The following ZDHHC15 variants were observed in gnomAD, a reference collection of about 807,000 sequenced individuals.
ZDHHC15 encodes palmitoyltransferase ZDHHC15.
Under a neutral mutation model 31.7 loss-of-function variants are expected in ZDHHC15, and 19 were observed. The ratio of observed to expected loss-of-function variants is 0.60; its 90% confidence interval spans 0.42 to 0.88. The LOEUF is 0.88. Ranked by LOEUF, ZDHHC15 falls within the 40% of genes least tolerant of loss-of-function variation. The pLI, the probability that ZDHHC15 is intolerant of heterozygous loss-of-function variation, is 0.00. For synonymous variants in ZDHHC15, 103 were observed against 90.0 expected (o/e 1.14, Z -0.82); for missense variants, 209 against 251.2 (o/e 0.83, Z 1.14).
chrX:75,411,387 T>C (rs1222246503), intron 10 of ZDHHC15, among the ~76,000 whole-genome samples: 1 of 111,539 alleles, frequency 9.0e-6, no homozygotes, highest in Non-Finnish European at 1.9e-5. Flanking sequence ...TAATTTTTTG[T>C]ATTTTTAGTA....
chrX:75,498,377 G>A (rs1039839664), intron 2 of ZDHHC15, among the ~76,000 whole-genome samples: 9 of 111,274 alleles, frequency 8.1e-5, no homozygotes, highest in African/African-American at 2.9e-4. Flanking sequence ...TGATATGATC[G>A]TACACCTAGA....
chrX:75,395,935 T>A (rs759218069), intron 10 of ZDHHC15, among the ~76,000 whole-genome samples: 2 of 112,286 alleles, frequency 1.8e-5, no homozygotes, highest in Non-Finnish European at 3.8e-5. Context: ...GAAAACTGGA[T>A]ATCCATATGC....
intron 2 of ZDHHC15, among the ~76,000 whole-genome samples, chrX:75,491,375 A>C (rs1310525958): frequency 9.4e-6 from 1 of 106,016 alleles, no homozygotes; most frequent in African/African-American, 3.4e-5. Context: ...CTATCGCAAG[A>C]ACAAAAAACC....
At chrX:75,416,202 G>C (rs2083546263) in intron 10 of ZDHHC15, among the ~76,000 whole-genome samples, 1 of 111,099 alleles carries the variant, frequency 9.0e-6, no homozygotes. Flanking sequence ...TAGATTTCCT[G>C]GTAATCAGGG....
intron 10 of ZDHHC15, among the ~76,000 whole-genome samples, chrX:75,383,734 GGTTT>G (rs1489391703): frequency 2.6e-5 from 2 of 77,793 alleles, no homozygotes; most frequent in Non-Finnish European, 4.8e-5. Context: ...AGAAATGTTA[GGTTT>G]TTTTTTTTTT....
At chrX:75,421,053 G>T (rs923960599) in intron 9 of ZDHHC15, among the ~76,000 whole-genome samples, 1 of 108,238 alleles carries the variant, frequency 9.2e-6, no homozygotes, top group African/African-American at 3.4e-5. Context: ...ATATAAAATG[G>T]AGAAAATATA....
chrX:75,425,288 C>A lies in ZDHHC15; in HGVS notation c.604-504G>T, dbSNP rs187034239. The stretch of plus-strand genomic sequence containing the variant: ...AAAATGTCCTACCCATAAGTCATAA[C>A]CTGATTTTAAAGTTGTTGTAGATTT... On this transcript the variant is annotated intron_variant, in intron 7 of 11. Transcript: ENST00000373367. Among the ~76,000 whole-genome samples, 889 of 111,180 alleles carry A rather than the reference C, an allele frequency of 8.0e-3. 11 individuals are homozygous for A. The highest frequency in any genetic ancestry group is 0.027 in the African/African-American group (822 of 30,694).
intron 4 of ZDHHC15, among the ~76,000 whole-genome samples, chrX:75,432,794 T>C (rs1602614021): frequency 9.1e-6 from 1 of 110,306 alleles, no homozygotes; most frequent in Non-Finnish European, 1.9e-5. Flanking sequence ...CTGGACAACA[T>C]AGTGAGACCC....
At chrX:75,474,468 C>CAT (rs1212342871) in intron 3 of ZDHHC15, among the ~76,000 whole-genome samples, 1 of 86,617 alleles carries the variant, frequency 1.2e-5, no homozygotes, top group African/African-American at 4.0e-5. Flanking sequence ...CACACACACA[C>CAT]ACACATATAT....
At chrX:75,376,342 C>T (rs1306600663) in intron 11 of ZDHHC15, among the ~76,000 whole-genome samples, 1 of 100,856 alleles carries the variant, frequency 9.9e-6, no homozygotes, top group African/African-American at 3.6e-5. Context: ...ATATTTTCTT[C>T]CATTCTGTAG....
chrX:75,475,173 A>G (rs773022436), intron 3 of ZDHHC15, among the ~76,000 whole-genome samples: 6 of 112,660 alleles, frequency 5.3e-5, no homozygotes, highest in African/African-American at 1.6e-4. Flanking sequence ...ATTTTCTGCT[A>G]TTCTGTAGGC....
At chrX:75,444,685 T>TACAC (rs1338165998) in intron 4 of ZDHHC15, among the ~76,000 whole-genome samples, 5 of 31,083 alleles carry the variant, frequency 1.6e-4, no homozygotes, top group African/African-American at 4.9e-4. Flanking sequence ...TATATATATA[T>TACAC]ATACACACAC....
intron 8 of ZDHHC15, among the ~76,000 whole-genome samples, chrX:75,423,774 A>T (rs2083678720): frequency 9.2e-6 from 1 of 108,554 alleles, no homozygotes; most frequent in Non-Finnish European, 1.9e-5. Flanking sequence ...TGCTAAGAAT[A>T]CAGGAGTGAG....
At chrX:75,424,829 G>A in intron 7 of ZDHHC15, 45 bp from the exon 8 acceptor site, 2 of 1,137,374 alleles carry the variant, frequency 1.8e-6, no homozygotes, top group Non-Finnish European at 2.3e-6. Context: ...AGTGGAAACG[G>A]ATGGCTAGTT....
chrX:75,429,033 G>T, intron 7 of ZDHHC15, 45 bp downstream of exon 7: 1 of 1,194,296 alleles, frequency 8.4e-7, no homozygotes, highest in Non-Finnish European at 1.1e-6. Flanking sequence ...GTTGGAGTGG[G>T]TGTGCATTTG....
At chrX:75,480,971 C>T (rs777016298) in intron 2 of ZDHHC15, among the ~76,000 whole-genome samples, 1 of 111,447 alleles carries the variant, frequency 9.0e-6, no homozygotes, top group African/African-American at 3.3e-5. Context: ...AGCGCCTCTT[C>T]CATTGCCCTC....
At position 75,370,927 on chromosome X, in the gene ZDHHC15, T is replaced by C. The variant is rs2083001143; in HGVS notation, c.*2051A>G. The C allele has an allele frequency of 2.7e-5, 3 of 112,021 alleles. No individual in the cohort carries two copies. The highest frequency in any genetic ancestry group is 3.8e-5 in the Non-Finnish European group (2 of 53,277). 9.2% of individuals were successfully genotyped at this position (112,021 alleles called of 1,213,427 possible). Reference sequence around the variant, plus strand: ...TGAGCTTTACCTCTCCGGAACTTCCTTATAGTTAACTGACACTATATTTTG... The same window carrying C: ...TGAGCTTTACCTCTCCGGAACTTCCCTATAGTTAACTGACACTATATTTTG... On this transcript the variant is annotated 3_prime_UTR_variant, in exon 12 of 12. Coordinates refer to ENST00000373367, the MANE Select transcript of ZDHHC15 (RefSeq NM_144969.3).
chrX:75,474,315 A>G (rs942730253), intron 3 of ZDHHC15, among the ~76,000 whole-genome samples: 1 of 108,887 alleles, frequency 9.2e-6, no homozygotes, highest in Non-Finnish European at 1.9e-5. Flanking sequence ...GCCCTCAAAC[A>G]TCGGACTCCA....
intron 1 of ZDHHC15, among the ~76,000 whole-genome samples, chrX:75,509,941 C>A (rs2085234666): frequency 8.9e-6 from 1 of 111,889 alleles, no homozygotes; most frequent in Non-Finnish European, 1.9e-5. Context: ...TATTCAGTGT[C>A]AAAATGAATA....
Sources: gnomAD v4.1 joint callset for allele counts (sites outside exome capture counted in the v4.1 genomes callset) on GRCh38, gnomAD v4.1.1 for gene constraint, MANE v1.5 for transcripts, NCBI Gene and HGNC (gene_info 2026-07-23, HGNC 2026-07-21) for gene names.